Variants in MRC2 observed in about 807,000 individuals in gnomAD.
The protein encoded by MRC2 is C-type mannose receptor 2.
MRC2 carries 84 observed loss-of-function variants against 206.2 expected under a neutral mutation model. The observed-to-expected ratio is 0.41, with a 90% CI of 0.34 to 0.49. MRC2 has a LOEUF of 0.49. Among genes scored for constraint, MRC2 ranks in the 20% least tolerant of loss-of-function variants. MRC2 has a pLI of 0.31. For synonymous variants in MRC2, 798 were observed against 800.0 expected (o/e 1.00, Z 0.04); for missense variants, 1,676 against 2,001.5 (o/e 0.84, Z 3.10).
Position 62,652,223 on chromosome 17 carries a change from G to C in MRC2, c.119-12325G>C, listed in dbSNP as rs1213142697. Among the ~76,000 whole-genome samples, 1 of 152,218 alleles carries C rather than the reference G, an allele frequency of 6.6e-6. No individual in the cohort carries two copies. The highest frequency in any genetic ancestry group is 1.5e-5 in the Non-Finnish European group (1 of 68,048). The stretch of plus-strand genomic sequence containing the variant: ...AATAAAGTCACGCAGTCACTCACTG[G>C]TTCGTCCTCAATCAACCAGGCGTGG... On this transcript the variant is annotated intron_variant, in intron 1 of 29. Coordinates refer to ENST00000303375, the MANE Select transcript of MRC2 (RefSeq NM_006039.5). The surrounding 1 kb of genome is among the most constrained non-coding windows in gnomAD (Gnocchi z 4.6).
chr17:62,677,687 T>C (rs1389308079), intron 12 of MRC2, among the ~76,000 whole-genome samples: 1 of 152,222 alleles, frequency 6.6e-6, no homozygotes, highest in Non-Finnish European at 1.5e-5. Context: ...CCACAGATCA[T>C]TGATTTCAGA....
At position 62,680,921 on chromosome 17, in the gene MRC2, C is replaced by T; in HGVS notation, c.2595C>T (p.Ser865=). ...AGGCCGAGCTGACCTCGGTGCACAGCCAGGCGGAGCTAGACTTCCTGAGCC... is the reference window on the plus strand; with the variant it reads ...AGGCCGAGCTGACCTCGGTGCACAGTCAGGCGGAGCTAGACTTCCTGAGCC... ...WFQAELTSVH[S]QAELDFLSHN... Residue 865 remains serine (S), a synonymous_variant, in exon 17 of 30, where the codon AGC becomes AGT. Coordinates refer to ENST00000303375, the MANE Select transcript of MRC2 (RefSeq NM_006039.5). The surrounding 1 kb of genome is among the most constrained non-coding windows in gnomAD (Gnocchi z 4.8). The T allele has an allele frequency of 6.2e-7, 1 of 1,613,208 alleles. No homozygotes were observed. The highest frequency in any genetic ancestry group is 8.5e-7 in the Non-Finnish European group (1 of 1,179,952).
intron 13 of MRC2, 111 bp downstream of exon 13, chr17:62,678,757 G>T: frequency 6.7e-7 from 1 of 1,482,568 alleles, no homozygotes; most frequent in Non-Finnish European, 9.1e-7. Flanking sequence ...GCAGAATGTG[G>T]GTGACCCCAG....
At chr17:62,644,618 A>G (rs2088452528) in intron 1 of MRC2, among the ~76,000 whole-genome samples, 2 of 152,154 alleles carry the variant, frequency 1.3e-5, no homozygotes, top group South Asian at 4.1e-4. Context: ...GTGATCAGTC[A>G]GTCACGTGAC....
rs1441106799 is a variant in MRC2 at position 62,670,894 on chromosome 17, GACCTGCACA to G, written c.1118-754_1118-746del. Among the ~76,000 whole-genome samples, 3 of 152,228 alleles carry G rather than the reference GACCTGCACA, an allele frequency of 2.0e-5. No homozygotes were observed. In the East Asian group the frequency reaches 5.8e-4, roughly 29 times the overall value. ...AGTTTTCTCCCTCCTGGGCTTCCCA[GACCTGCACA>G]GAGTGGGTGCTCAATAAATGTTATT... is the stretch of plus-strand genomic sequence containing the variant. On this transcript the variant is annotated intron_variant, in intron 6 of 29. Transcript: ENST00000303375.
At chr17:62,630,832 A>T (rs1012702875) in intron 1 of MRC2, among the ~76,000 whole-genome samples, 1 of 152,060 alleles carries the variant, frequency 6.6e-6, no homozygotes, top group African/African-American at 2.4e-5. Flanking sequence ...CCAGCTCCCT[A>T]CACTTCTGGC....
intron 20 of MRC2, among the ~76,000 whole-genome samples, chr17:62,686,335 C>G (rs2089031586): frequency 1.3e-5 from 2 of 152,004 alleles, no homozygotes; most frequent in African/African-American, 4.8e-5. Context: ...CGCCTGTAAT[C>G]CCAGCTACTC....
At chr17:62,690,815 G>T in intron 27 of MRC2, 54 bp downstream of exon 27, 2 of 1,531,258 alleles carry the variant, frequency 1.3e-6, no homozygotes, top group African/African-American at 2.8e-5. Flanking sequence ...GTAAGGGGCT[G>T]CCCTCCACTT....
chr17:62,647,069 C>T (rs2088496655), intron 1 of MRC2, among the ~76,000 whole-genome samples: 1 of 152,064 alleles, frequency 6.6e-6, no homozygotes, highest in African/African-American at 2.4e-5. Context: ...AATAAGCTCC[C>T]CAGGCGATTT....
intron 14 of MRC2, 42 bp downstream of exon 14, chr17:62,679,944 T>C (rs1301392162): frequency 1.5e-5 from 24 of 1,562,688 alleles, no homozygotes; most frequent in Non-Finnish European, 2.0e-5. Flanking sequence ...GGCCGGGAGC[T>C]TGGTGGGCGG....
chr17:62,690,350 C>T (rs1377108330), intron 26 of MRC2, 45 bp downstream of exon 26: 1 of 1,567,914 alleles, frequency 6.4e-7, no homozygotes. Context: ...CAGGTGGCAC[C>T]TCCTCTCGTG....
chr17:62,648,601 C>T (rs2088519187), intron 1 of MRC2, among the ~76,000 whole-genome samples: 1 of 152,204 alleles, frequency 6.6e-6, no homozygotes, highest in South Asian at 2.1e-4. Flanking sequence ...CCTGACACAC[C>T]CTCCTCTTCT....
chr17:62,650,402 C>A (rs568102112), intron 1 of MRC2, among the ~76,000 whole-genome samples: 2 of 152,346 alleles, frequency 1.3e-5, no homozygotes, highest in Admixed American at 1.3e-4. Context: ...TGGCTGGCAC[C>A]CTGCAGGCAT....
chr17:62,668,367 T>G (rs1426455997), intron 6 of MRC2, among the ~76,000 whole-genome samples: 2 of 111,566 alleles, frequency 1.8e-5, no homozygotes, highest in African/African-American at 7.2e-5. Flanking sequence ...AAAAAATAAA[T>G]AAATAAATAA....
At chr17:62,654,758 T>C (rs1016556743) in intron 1 of MRC2, among the ~76,000 whole-genome samples, 1 of 152,134 alleles carries the variant, frequency 6.6e-6, no homozygotes, top group Non-Finnish European at 1.5e-5. Context: ...GCAAATTGCT[T>C]TAAAACCCAG....
intron 26 of MRC2, 101 bp from the exon 27 acceptor site, chr17:62,690,541 T>G: frequency 6.7e-7 from 1 of 1,492,058 alleles, no homozygotes. Context: ...CTCCACACCA[T>G]CCTCTACTCA....
At chr17:62,682,570 C>T (rs1022439577) in intron 20 of MRC2, among the ~76,000 whole-genome samples, 193 bp downstream of exon 20, 2 of 152,212 alleles carry the variant, frequency 1.3e-5, no homozygotes, top group Non-Finnish European at 2.9e-5. Context: ...GTAGTAGCAC[C>T]TTCCAATCCT....
chr17:62,641,750 A>G (rs1302632010), intron 1 of MRC2, among the ~76,000 whole-genome samples: 1 of 152,202 alleles, frequency 6.6e-6, no homozygotes, highest in African/African-American at 2.4e-5. Flanking sequence ...TGAATGGGGG[A>G]AAAGATCCCA....
In MRC2 at chr17:62,688,571, C is replaced by T. The variant is rs1173284004; in HGVS notation, c.3132C>T (p.Asp1044=). 1.2e-6 allele frequency: 2 copies of T among 1,614,250 alleles called. No individual in the cohort carries two copies. Among genetic ancestry groups the T allele is most frequent in the South Asian group, 2.2e-5 (2 of 91,090 alleles). The change falls in exon 22 of 30, where the codon GAC becomes GAT. Residue 1044 remains aspartate, a synonymous_variant. Transcript: ENST00000303375. ...TTGGCCTCCATGCCTCGCAGAGGGACTTCCAGTGGGTGGAGCAGGAGCCTT... is the reference window on the plus strand; with the variant it reads ...TTGGCCTCCATGCCTCGCAGAGGGATTTCCAGTGGGTGGAGCAGGAGCCTT... ...LWIGLHASQR[D]FQWVEQEPLM...
Sources: gnomAD v4.1 joint callset for allele counts (sites outside exome capture counted in the v4.1 genomes callset) on GRCh38, gnomAD v4.1.1 for gene constraint, Gnocchi (gnomAD v3.1) non-coding constraint, MANE v1.5 for transcripts, NCBI Gene and HGNC (gene_info 2026-07-23, HGNC 2026-07-21) for gene names.